The following METAP1 variants were observed in gnomAD, a reference collection of about 807,000 sequenced individuals.
METAP1 encodes methionine aminopeptidase 1.
A neutral mutation model predicts 53.8 loss-of-function variants in METAP1; 28 were observed. The observed-to-expected ratio is 0.52, with a 90% CI of 0.39 to 0.71. METAP1 has a LOEUF of 0.71. Among genes scored for constraint, METAP1 ranks in the 30% least tolerant of loss-of-function variants. METAP1 has a pLI of 0.00. For missense variants in METAP1, 389 were observed against 479.8 expected (o/e 0.81, Z 1.77); for synonymous variants, 181 against 165.7 (o/e 1.09, Z -0.71).
intron 1 of METAP1, among the ~76,000 whole-genome samples, chr4:99,011,517 G>A (rs1723465769): frequency 6.6e-6 from 1 of 152,130 alleles, no homozygotes; most frequent in African/African-American, 2.4e-5. Context: ...TGGTCATGGT[G>A]TATAGTCCTT....
intron 1 of METAP1, chr4:99,023,379 A>G (rs1724291919): frequency 2.2e-5 from 19 of 866,904 alleles, no homozygotes; most frequent in Non-Finnish European, 2.7e-5. Context: ...TTGTCTTTGC[A>G]TATGTGTTTA....
At chr4:99,043,107 C>T (rs1725995460) in intron 6 of METAP1, 142 bp from the exon 7 acceptor site, 1 of 643,246 alleles carries the variant, frequency 1.6e-6, no homozygotes. Flanking sequence ...AGATAATATC[C>T]AGTACTGTTA....
At chr4:99,004,512 CAA>C in intron 1 of METAP1, among the ~76,000 whole-genome samples, 1 of 122,072 alleles carries the variant, frequency 8.2e-6, no homozygotes, top group Non-Finnish European at 1.8e-5. Flanking sequence ...CACACACACA[CAA>C]AATAACACAG....
chr4:99,026,777 A>G, intron 1 of METAP1: 1 of 985,366 alleles, frequency 1.0e-6, no homozygotes, highest in South Asian at 4.7e-5. Context: ...AGATGTGGGA[A>G]TATTTTGACA....
chr4:99,004,307 A>G (rs983725511), intron 1 of METAP1, among the ~76,000 whole-genome samples: 16 of 152,160 alleles, frequency 1.1e-4, no homozygotes, highest in Admixed American at 6.5e-4. Flanking sequence ...GGGGTTAGAC[A>G]CTTGCCTTCA....
intron 1 of METAP1, among the ~76,000 whole-genome samples, chr4:99,011,957 C>G (rs1372051695): frequency 6.6e-6 from 1 of 152,132 alleles, no homozygotes; most frequent in Non-Finnish European, 1.5e-5. Context: ...CAAAACAAAA[C>G]AAAACAAAAC....
chr4:99,008,910 ACT>A lies in METAP1; in HGVS notation c.114+13044_114+13045del, dbSNP rs112992473. ...TTTGTTATAAAAAACATTTAATTTT[ACT>A]GTCTTAATTATTTTTATGTGTATAG... On this transcript the variant is annotated intron_variant, in intron 1 of 10. Transcript: ENST00000296411. Among the ~76,000 whole-genome samples the A allele has an allele frequency of 2.7e-3, 411 of 152,284 alleles. 4 individuals are homozygous for A. The highest frequency in any genetic ancestry group is 9.4e-3 in the African/African-American group (389 of 41,564).
At chr4:99,019,822 A>G (rs1452504414) in intron 1 of METAP1, among the ~76,000 whole-genome samples, 1 of 152,190 alleles carries the variant, frequency 6.6e-6, no homozygotes, top group Non-Finnish European at 1.5e-5. Context: ...TAATTTTAAC[A>G]TACCTTGTCC....
In METAP1 at chr4:99,032,281, G is replaced by A. The variant is rs111372482; in HGVS notation, c.167-1949G>A. ...GTTCCTCTGTTGCCCAGGCTGGAGTGCAGTGGTGCAATCATGGCTCACTGC... is the reference window on the plus strand; with the variant it reads ...GTTCCTCTGTTGCCCAGGCTGGAGTACAGTGGTGCAATCATGGCTCACTGC... On this transcript the variant is annotated intron_variant, in intron 2 of 10. Coordinates refer to ENST00000296411, the MANE Select transcript of METAP1 (RefSeq NM_015143.3). 2.7e-3 allele frequency among the ~76,000 whole-genome samples: 406 copies of A among 151,324 alleles called. 4 individuals carry two copies. The highest frequency in any genetic ancestry group is 9.4e-3 in the African/African-American group (386 of 41,196).
chr4:99,022,359 C>T lies in METAP1; in HGVS notation c.115-6508C>T, dbSNP rs111879194. 0.013 allele frequency: 11,765 copies of T among 877,460 alleles called. 1,060 individuals are homozygous for T. In the African/African-American group the frequency reaches 0.18, roughly 14 times the overall value. 54.4% of individuals were successfully genotyped at this position (877,460 alleles called of 1,614,324 possible). ...ATCCCTCCATGCTCTCTGAGGGTGGCGGGGCTCCAAAGATCCTGGCCAGGA... is the reference window on the plus strand; with the variant it reads ...ATCCCTCCATGCTCTCTGAGGGTGGTGGGGCTCCAAAGATCCTGGCCAGGA... On this transcript the variant is annotated intron_variant, in intron 1 of 10. Transcript: ENST00000296411.
intron 7 of METAP1, among the ~76,000 whole-genome samples, 163 bp downstream of exon 7, chr4:99,043,550 C>T (rs936060118): frequency 5.3e-5 from 8 of 152,126 alleles, no homozygotes; most frequent in South Asian, 2.1e-4. Context: ...GCTCTCTTAA[C>T]GGTTTTGTGC....
intron 1 of METAP1, among the ~76,000 whole-genome samples, chr4:98,998,549 CA>C (rs1045154095): frequency 6.6e-6 from 1 of 151,954 alleles, no homozygotes; most frequent in Non-Finnish European, 1.5e-5. Context: ...CAAAACAAAA[CA>C]AAAAACCAAA....
At chr4:99,004,527 A>G (rs72908966) in intron 1 of METAP1, among the ~76,000 whole-genome samples, 9,352 of 150,580 alleles carry the variant, frequency 0.062, 1,016 homozygotes, top group African/African-American at 0.22. Flanking sequence ...TAACACAGCA[A>G]ATCATCCACG....
chr4:99,057,185 G>A (rs923798570), intron 9 of METAP1, among the ~76,000 whole-genome samples: 2 of 152,178 alleles, frequency 1.3e-5, no homozygotes, highest in Non-Finnish European at 2.9e-5. Context: ...TTAAAAAGTA[G>A]GTTAATGTGC....
intron 1 of METAP1, among the ~76,000 whole-genome samples, chr4:99,013,740 G>C (rs1723600950): frequency 6.6e-6 from 1 of 152,180 alleles, no homozygotes; most frequent in Non-Finnish European, 1.5e-5. Context: ...GTGATGAGAG[G>C]TCAGAGGGGT....
At chr4:99,012,568 C>G (rs949480458) in intron 1 of METAP1, among the ~76,000 whole-genome samples, 22 of 151,952 alleles carry the variant, frequency 1.4e-4, no homozygotes, top group Non-Finnish European at 1.0e-4. Flanking sequence ...AGCCACCACA[C>G]CCGGCCGAGG....
In METAP1 at chr4:99,023,459, G is replaced by C. The variant is rs949501024; in HGVS notation, c.115-5408G>C. 1.0e-5 allele frequency: 10 copies of C among 979,298 alleles called. No individual in the cohort carries two copies. The South Asian group carries it at 4.3e-4, about 42-fold the overall frequency. The allele number at this position is 979,298 out of a possible 1,614,324, so 60.7% of individuals were successfully genotyped here. ...TACATACAAATCCTTTTAGTTACCAGGTGACTACTCAGCATTCTTTCTAAC... is the reference window on the plus strand; with the variant it reads ...TACATACAAATCCTTTTAGTTACCACGTGACTACTCAGCATTCTTTCTAAC... On this transcript the variant is annotated intron_variant, in intron 1 of 10. Transcript: ENST00000296411.
chr4:99,025,865 T>C (rs915197816), intron 1 of METAP1, among the ~76,000 whole-genome samples: 1 of 152,218 alleles, frequency 6.6e-6, no homozygotes, highest in African/African-American at 2.4e-5. Context: ...AAAACCTTGG[T>C]CTCCACAACC....
intron 8 of METAP1, 104 bp downstream of exon 8, chr4:99,045,414 C>T (rs1320663482): frequency 7.8e-7 from 1 of 1,275,166 alleles, no homozygotes. Flanking sequence ...CCAGGTTGCC[C>T]CTGTTCTACC....
Sources: allele counts gnomAD v4.1 joint callset (sites outside exome capture counted in the v4.1 genomes callset), GRCh38; gene constraint gnomAD v4.1.1; transcripts MANE v1.5; gene names NCBI Gene and HGNC (gene_info 2026-07-23, HGNC 2026-07-21).